The following STIM2 variants were observed in gnomAD, a reference collection of about 807,000 sequenced individuals.
STIM2 encodes stromal interaction molecule 2.
STIM2 carries 31 observed loss-of-function variants against 85.8 expected under a neutral mutation model. That is an observed-to-expected ratio of 0.36 (90% CI 0.27 to 0.49). The LOEUF is 0.49. Ranked by LOEUF, STIM2 falls within the 20% of genes least tolerant of loss-of-function variation. The pLI is 0.98. For synonymous variants in STIM2, 356 were observed against 331.1 expected (o/e 1.08, Z -0.82); for missense variants, 841 against 927.6 (o/e 0.91, Z 1.21).
chr4:26,885,849 ATATATATATATATATATATATATATG>A (rs1723211400), intron 1 of STIM2, among the ~76,000 whole-genome samples: 3 of 43,888 alleles, frequency 6.8e-5, no homozygotes, highest in African/African-American at 3.4e-4. Context: ...ATATATATAT[ATATATATATATATATATATATATATG>A]TATATGTCTA....
chr4:27,007,338 G>A (rs1285952457), intron 7 of STIM2, among the ~76,000 whole-genome samples, 195 bp from the exon 8 acceptor site: 1 of 148,110 alleles, frequency 6.8e-6, no homozygotes, highest in Non-Finnish European at 1.5e-5. Flanking sequence ...TTTTTGAGAC[G>A]GAGTCTCGCT....
chr4:26,976,550 G>A (rs986736911), intron 3 of STIM2, among the ~76,000 whole-genome samples: 1 of 152,004 alleles, frequency 6.6e-6, no homozygotes, highest in African/African-American at 2.4e-5. Context: ...ACTTTATGCT[G>A]TAATCCCAGC....
chr4:26,897,996 G>A (rs1440127080), intron 1 of STIM2, among the ~76,000 whole-genome samples: 1 of 152,072 alleles, frequency 6.6e-6, no homozygotes, highest in African/African-American at 2.4e-5. Flanking sequence ...TGAATTCTTG[G>A]GCTAAAGCTG....
At chr4:26,957,837 C>A (rs934127615) in intron 3 of STIM2, 111 bp downstream of exon 3, 3 of 639,198 alleles carry the variant, frequency 4.7e-6, no homozygotes, top group Non-Finnish European at 8.2e-6. Flanking sequence ...AATAACATTT[C>A]TGTGAGGATA....
At chr4:26,952,782 A>AGAACATCCAGGT (rs1476823867) in intron 2 of STIM2, among the ~76,000 whole-genome samples, 2 of 152,166 alleles carry the variant, frequency 1.3e-5, no homozygotes, top group East Asian at 3.9e-4. Context: ...GCATTTATAC[A>AGAACATCCAGGT]GAACATCCAG....
intron 1 of STIM2, among the ~76,000 whole-genome samples, chr4:26,876,743 T>C (rs921562471): frequency 1.3e-5 from 2 of 152,180 alleles, no homozygotes; most frequent in Non-Finnish European, 2.9e-5. Flanking sequence ...AAAACTATAG[T>C]ATGTGTTTAA....
intron 2 of STIM2, among the ~76,000 whole-genome samples, chr4:26,946,318 C>A (rs772763310): frequency 6.6e-6 from 1 of 152,092 alleles, no homozygotes; most frequent in Non-Finnish European, 1.5e-5. Flanking sequence ...TGAAACTATA[C>A]CAAAATTAGA....
chr4:26,889,456 T>C (rs1366492803), intron 1 of STIM2, among the ~76,000 whole-genome samples: 1 of 152,184 alleles, frequency 6.6e-6, no homozygotes, highest in Non-Finnish European at 1.5e-5. Context: ...GGATAAGGCA[T>C]TCTGTGGGTT....
At chr4:26,898,190 G>T (rs1389874696) in intron 1 of STIM2, among the ~76,000 whole-genome samples, 1 of 152,134 alleles carries the variant, frequency 6.6e-6, no homozygotes, top group Admixed American at 6.5e-5. Context: ...TTGTCTTCTG[G>T]ACTAATTTGG....
At chr4:26,998,792 G>T (rs1328880580) in intron 4 of STIM2, among the ~76,000 whole-genome samples, 1 of 151,624 alleles carries the variant, frequency 6.6e-6, no homozygotes, top group African/African-American at 2.4e-5. Context: ...CGTGCCTGTA[G>T]TCCCAGCTAC....
At chr4:26,921,632 TA>T (rs1470741493) in intron 2 of STIM2, among the ~76,000 whole-genome samples, 3 of 152,242 alleles carry the variant, frequency 2.0e-5, no homozygotes, top group Non-Finnish European at 4.4e-5. Flanking sequence ...CCTGTGTTCT[TA>T]AAATATGTTC....
At chr4:26,863,291 A>G (rs144640331) in intron 1 of STIM2, among the ~76,000 whole-genome samples, 1 of 152,292 alleles carries the variant, frequency 6.6e-6, no homozygotes, top group Admixed American at 6.5e-5. Context: ...AATTATTTCT[A>G]ACGTTCTTTT....
At chr4:26,890,823 C>CAA (rs60092225) in intron 1 of STIM2, among the ~76,000 whole-genome samples, 37 of 50,910 alleles carry the variant, frequency 7.3e-4, no homozygotes, top group African/African-American at 1.5e-3. Flanking sequence ...GACTCCGTCT[C>CAA]AAAAAAAAAA....
At position 27,017,835 on chromosome 4, in the gene STIM2, G is replaced by A. The variant is rs760491679; in HGVS notation, c.1614G>A (p.Pro538=). ...AGCTTGCTCCACACGCCCCCCACCC[G>A]TCACACCCTCGGCACCCTCACCACC... The change falls in exon 11 of 12, where the codon CCG becomes CCA. Residue 538 remains proline, a synonymous_variant. Coordinates refer to ENST00000467087, the MANE Select transcript of STIM2 (RefSeq NM_020860.4). 16 of 1,613,794 alleles carry A rather than the reference G, an allele frequency of 9.9e-6. No individual in the cohort carries two copies. The highest frequency in any genetic ancestry group is 3.3e-5 in the South Asian group (3 of 91,068).
chr4:26,960,862 A>G (rs552528015), intron 3 of STIM2, among the ~76,000 whole-genome samples: 89 of 152,110 alleles, frequency 5.9e-4, no homozygotes, highest in African/African-American at 2.1e-3. Context: ...TCAGGAGTTC[A>G]AGACCAGCCT....
intron 2 of STIM2, among the ~76,000 whole-genome samples, chr4:26,933,842 T>A (rs1185386686): frequency 6.6e-6 from 1 of 151,840 alleles, no homozygotes; most frequent in Admixed American, 6.6e-5. Flanking sequence ...TGGATACATA[T>A]ATAACATATA....
intron 10 of STIM2, among the ~76,000 whole-genome samples, chr4:27,011,201 G>T (rs9994911): frequency 0.96 from 146,826 of 152,320 alleles, 70,874 homozygotes; most frequent in East Asian, 1. Flanking sequence ...TATATACAAT[G>T]GTTGCGTGTT....
intron 2 of STIM2, among the ~76,000 whole-genome samples, chr4:26,935,974 C>T (rs1725377060): frequency 6.6e-6 from 1 of 152,082 alleles, no homozygotes; most frequent in Non-Finnish European, 1.5e-5. Context: ...CCAAGTTCAA[C>T]CTTAAAAATT....
intron 3 of STIM2, among the ~76,000 whole-genome samples, chr4:26,968,088 G>A (rs1180248920): frequency 1.3e-5 from 2 of 152,078 alleles, no homozygotes; most frequent in African/African-American, 2.4e-5. Context: ...GGAGGATCAC[G>A]TGTACTCAGG....
Sources: allele counts gnomAD v4.1 joint callset (sites outside exome capture counted in the v4.1 genomes callset), GRCh38; gene constraint gnomAD v4.1.1; transcripts MANE v1.5; gene names NCBI Gene and HGNC (gene_info 2026-07-23, HGNC 2026-07-21).